ROBO2: variants seen among roughly 807,000 people sequenced by gnomAD.
The protein encoded by ROBO2 is roundabout homolog 2.
Under a neutral mutation model 160.8 loss-of-function variants are expected in ROBO2, and 53 were observed. That is an observed-to-expected ratio of 0.33 (90% CI 0.26 to 0.41). The LOEUF is 0.41. ROBO2 is among the 10% of genes least tolerant of loss of function. The probability of loss-of-function intolerance (pLI) is 1.00; values close to 1 mark genes in which losing one functional copy is unlikely to be tolerated. For missense variants in ROBO2, 1,577 were observed against 1,722.4 expected (o/e 0.92, Z 1.49); for synonymous variants, 664 against 611.7 (o/e 1.09, Z -1.26).
chr3:77,560,436 C>A (rs542619952), intron 9 of ROBO2, among the ~76,000 whole-genome samples: 8 of 152,008 alleles, frequency 5.3e-5, no homozygotes, highest in African/African-American at 1.9e-4. Flanking sequence ...GTTTTAGCAA[C>A]GATATTTAGG....
chr3:76,576,780 C>CAAAA (rs56044277), intron 2 of ROBO2, among the ~76,000 whole-genome samples: 2 of 92,922 alleles, frequency 2.2e-5, no homozygotes, highest in Non-Finnish European at 4.1e-5. Flanking sequence ...CTCCGTCTCA[C>CAAAA]AAAAAAAAAA....
At chr3:76,458,799 C>G (rs958404752) in intron 2 of ROBO2, among the ~76,000 whole-genome samples, 1 of 152,076 alleles carries the variant, frequency 6.6e-6, no homozygotes, top group African/African-American at 2.4e-5. Context: ...AGCGGAAACC[C>G]CTAGTAGACC....
At chr3:76,458,148 T>G (rs918846595) in intron 2 of ROBO2, among the ~76,000 whole-genome samples, 3 of 152,164 alleles carry the variant, frequency 2.0e-5, no homozygotes, top group Non-Finnish European at 4.4e-5. Flanking sequence ...TTCTATCACA[T>G]AGTCAGGCTA....
intron 2 of ROBO2, among the ~76,000 whole-genome samples, chr3:76,928,416 C>A (rs573972782): frequency 6.6e-6 from 1 of 151,404 alleles, no homozygotes; most frequent in East Asian, 1.9e-4. Flanking sequence ...TACACATACA[C>A]AATTGTGTTG....
intron 2 of ROBO2, among the ~76,000 whole-genome samples, chr3:76,374,718 C>A (rs1367587652): frequency 1.3e-5 from 2 of 151,972 alleles, no homozygotes; most frequent in African/African-American, 4.8e-5. Context: ...AGCAAAAATT[C>A]TACTCTGGTT....
rs140044315 is a variant in ROBO2, at chr3:76,283,720, G to A, written c.109+346118G>A. 4.3e-3 allele frequency among the ~76,000 whole-genome samples: 660 copies of A among 152,090 alleles called. 6 individuals are homozygous for A. Among genetic ancestry groups the A allele is most frequent in the Admixed American group, 0.025 (382 of 15,222 alleles). ...GAAATGCTAAAATGAAGAATGCTGA[G>A]ATGTACTCTTGGCTTCTGTATCCCT... On this transcript the variant is annotated intron_variant, in intron 2 of 26. Transcript: ENST00000487694.
intron 2 of ROBO2, among the ~76,000 whole-genome samples, chr3:77,264,576 GA>G (rs1560377313): frequency 6.6e-6 from 1 of 152,036 alleles, no homozygotes; most frequent in Non-Finnish European, 1.5e-5. Context: ...TGTCTGCCAG[GA>G]AGAGAAATAT....
chr3:76,323,175 ACC>A (rs200663135), intron 2 of ROBO2, among the ~76,000 whole-genome samples: 3 of 145,604 alleles, frequency 2.1e-5, no homozygotes, highest in African/African-American at 7.5e-5. Flanking sequence ...ACACACACAC[ACC>A]CCTAAAGGCT....
intron 2 of ROBO2, among the ~76,000 whole-genome samples, chr3:77,216,929 C>A (rs912163983): frequency 1.3e-5 from 2 of 151,946 alleles, no homozygotes; most frequent in Non-Finnish European, 2.9e-5. Context: ...GAGACCAGGG[C>A]ATAAAGCCAC....
At chr3:76,922,784 T>C (rs984879605) in intron 2 of ROBO2, among the ~76,000 whole-genome samples, 1 of 152,100 alleles carries the variant, frequency 6.6e-6, no homozygotes, top group African/African-American at 2.4e-5. Context: ...CCTTCCAGAG[T>C]CCCAAGACTT....
chr3:76,896,915 C>A lies in ROBO2; in HGVS notation c.110-201099C>A, dbSNP rs529903553. On this transcript the variant is annotated intron_variant, in intron 2 of 26. Transcript: ENST00000487694. The stretch of plus-strand genomic sequence containing the variant: ...CAAAATATACAGGAGTTAAATCTTG[C>A]CACTCTCTCTGTGAATACTGGATCA... Among the ~76,000 whole-genome samples, 3 of 152,224 alleles carry A rather than the reference C, an allele frequency of 2.0e-5. No individual in the cohort carries two copies. In the South Asian group the frequency reaches 6.2e-4, roughly 32 times the overall value.
chr3:76,149,431 C>T (rs1330265063), intron 2 of ROBO2, among the ~76,000 whole-genome samples: 3 of 152,134 alleles, frequency 2.0e-5, no homozygotes, highest in Non-Finnish European at 4.4e-5. Flanking sequence ...GGCCTTTGCG[C>T]TTGCTGTCAC....
At chr3:77,183,234 A>C (rs2080960937) in intron 2 of ROBO2, among the ~76,000 whole-genome samples, 1 of 152,052 alleles carries the variant, frequency 6.6e-6, no homozygotes, top group Admixed American at 6.6e-5. Context: ...AATTTCAGGA[A>C]ATCTAGAATT....
At chr3:76,418,905 A>G (rs2075871293) in intron 2 of ROBO2, among the ~76,000 whole-genome samples, 1 of 152,174 alleles carries the variant, frequency 6.6e-6, no homozygotes, top group African/African-American at 2.4e-5. Flanking sequence ...AAATTCAATT[A>G]TTTCTTGTGT....
chr3:76,105,303 C>T (rs1372984337), intron 2 of ROBO2, among the ~76,000 whole-genome samples: 3 of 152,044 alleles, frequency 2.0e-5, no homozygotes, highest in Non-Finnish European at 4.4e-5. Context: ...AAGAATTGCA[C>T]ACCTTCTATA....
At chr3:76,604,164 G>A (rs986350072) in intron 2 of ROBO2, among the ~76,000 whole-genome samples, 20 of 152,138 alleles carry the variant, frequency 1.3e-4, no homozygotes, top group Admixed American at 6.5e-4. Flanking sequence ...TCATTGGTCT[G>A]AATGTTAAGC....
chr3:76,996,917 G>A (rs920549095), intron 2 of ROBO2, among the ~76,000 whole-genome samples: 1 of 152,070 alleles, frequency 6.6e-6, no homozygotes, highest in African/African-American at 2.4e-5. Context: ...AATCTAATAT[G>A]TGTCTGCCAG....
intron 1 of ROBO2, among the ~76,000 whole-genome samples, chr3:77,072,049 C>T (rs879694359): frequency 6.6e-6 from 1 of 152,134 alleles, no homozygotes; most frequent in Admixed American, 6.5e-5. Context: ...GCCTCTCCCC[C>T]TCGTTCGCAT....
intron 2 of ROBO2, among the ~76,000 whole-genome samples, chr3:76,135,981 A>C (rs550540807): frequency 6.6e-6 from 1 of 152,208 alleles, no homozygotes; most frequent in South Asian, 2.1e-4. Flanking sequence ...TCTGTAACAT[A>C]AAGCTTAAAA....
Sources: allele counts gnomAD v4.1 joint callset (sites outside exome capture counted in the v4.1 genomes callset), GRCh38; gene constraint gnomAD v4.1.1; transcripts MANE v1.5; gene names NCBI Gene and HGNC (gene_info 2026-07-23, HGNC 2026-07-21).